Variants in CHIC1 observed in about 807,000 individuals in gnomAD.
The protein encoded by CHIC1 is cysteine-rich hydrophobic domain-containing protein 1.
In CHIC1, 7 loss-of-function variants were observed where a neutral mutation model predicts 18.5. The observed-to-expected ratio is 0.38, with a 90% confidence interval of 0.22 to 0.71. The LOEUF is 0.71. CHIC1 is among the 30% of genes least tolerant of loss of function. The probability of loss-of-function intolerance (pLI) is 0.49; values close to 1 mark genes in which losing one functional copy is unlikely to be tolerated. For missense variants in CHIC1, 159 were observed against 176.9 expected, an observed-to-expected ratio of 0.90 and a Z score of 0.57; for synonymous variants, 77 against 73.5, an observed-to-expected ratio of 1.05 and a Z score of -0.25.
At chrX:73,572,432 G>A (rs1237229802) in intron 1 of CHIC1, among the ~76,000 whole-genome samples, 2 of 110,750 alleles carry the variant, frequency 1.8e-5, no homozygotes, top group African/African-American at 6.5e-5. Context: ...ATATGGGCAC[G>A]TGTGTAATTT....
At chrX:73,676,883 A>G (rs759690056) in intron 3 of CHIC1, among the ~76,000 whole-genome samples, 1 of 110,844 alleles carries the variant, frequency 9.0e-6, no homozygotes, top group South Asian at 3.8e-4. Context: ...TTGGTCTTTG[A>G]TGATGGTCAC....
intron 3 of CHIC1, among the ~76,000 whole-genome samples, chrX:73,674,727 T>C (rs2147628719): frequency 8.9e-6 from 1 of 112,045 alleles, no homozygotes; most frequent in African/African-American, 3.2e-5. Flanking sequence ...TTTGTGTCTC[T>C]ATTTCCTTCA....
At chrX:73,653,295 T>C (rs1337410218) in intron 3 of CHIC1, among the ~76,000 whole-genome samples, 2 of 111,463 alleles carry the variant, frequency 1.8e-5, no homozygotes, top group African/African-American at 6.5e-5. Flanking sequence ...GGTACACGTA[T>C]ACCTATGTAA....
intron 1 of CHIC1, among the ~76,000 whole-genome samples, chrX:73,565,671 C>G (rs1351883108): frequency 4.5e-5 from 5 of 111,931 alleles, no homozygotes; most frequent in Non-Finnish European, 1.9e-5. Context: ...TTAACTGGAT[C>G]TGAGAAATGG....
chrX:73,599,475 T>G (rs1440552309), intron 3 of CHIC1, among the ~76,000 whole-genome samples: 1 of 99,002 alleles, frequency 1.0e-5, no homozygotes, highest in African/African-American at 4.3e-5. Context: ...GGTCTAACGT[T>G]TAAGTCTTTA....
chrX:73,602,731 A>G lies in CHIC1; in HGVS notation c.507+18159A>G, dbSNP rs773615828. The stretch of plus-strand genomic sequence containing the variant: ...GGGGTTCAGTTTCAGTTTTCTGCTT[A>G]TGGCTAGCCAGTTTTCCCAACACCA... On this transcript the variant is annotated intron_variant, in intron 3 of 5. Transcript: ENST00000373502. Among the ~76,000 whole-genome samples the G allele has an allele frequency of 9.9e-4, 108 of 108,817 alleles. 11 individuals are homozygous for G. Among genetic ancestry groups the G allele is most frequent in the African/African-American group, 3.8e-3 (107 of 28,073 alleles). 94.5% of individuals were successfully genotyped at this position (108,817 alleles called of 115,157 possible). A position where few individuals can be genotyped will look rare whatever the true frequency, so the allele number is the denominator to read the frequency against.
intron 3 of CHIC1, among the ~76,000 whole-genome samples, chrX:73,672,747 T>A (rs2058038675): frequency 8.9e-6 from 1 of 112,216 alleles, no homozygotes; most frequent in Non-Finnish European, 1.9e-5. Context: ...TTTCTTTTGC[T>A]GTGCAGAAGC....
At chrX:73,584,220 G>A (rs2057541627) in intron 2 of CHIC1, among the ~76,000 whole-genome samples, 197 bp from the exon 3 acceptor site, 1 of 110,206 alleles carries the variant, frequency 9.1e-6, no homozygotes, top group South Asian at 3.7e-4. Context: ...TCAACATCAG[G>A]CTAAGTTCTA....
intron 3 of CHIC1, among the ~76,000 whole-genome samples, chrX:73,599,758 A>T (rs1442870980): frequency 9.3e-6 from 1 of 107,707 alleles, no homozygotes; most frequent in Non-Finnish European, 1.9e-5. Context: ...GTTAGAAGTC[A>T]GGTAGTGTGA....
At chrX:73,572,867 A>G (rs2057477863) in intron 1 of CHIC1, among the ~76,000 whole-genome samples, 1 of 111,324 alleles carries the variant, frequency 9.0e-6, no homozygotes, top group Admixed American at 9.6e-5. Flanking sequence ...TTGTTGATAC[A>G]TAGATCGTGG....
intron 3 of CHIC1, among the ~76,000 whole-genome samples, chrX:73,641,624 G>A (rs1042200075): frequency 2.7e-5 from 3 of 110,039 alleles, no homozygotes; most frequent in Non-Finnish European, 5.7e-5. Flanking sequence ...CCATTAACTC[G>A]TCATTTAGCA....
intron 3 of CHIC1, among the ~76,000 whole-genome samples, chrX:73,642,965 G>T (rs1246090822): frequency 9.0e-6 from 1 of 111,461 alleles, no homozygotes; most frequent in Non-Finnish European, 1.9e-5. Context: ...GATGCCTCCA[G>T]CTTTGTTCTT....
intron 3 of CHIC1, among the ~76,000 whole-genome samples, chrX:73,647,565 C>G (rs2057895239): frequency 1.8e-5 from 2 of 112,365 alleles, no homozygotes; most frequent in African/African-American, 3.2e-5. Flanking sequence ...AGGGATGTCC[C>G]CCACAACCTA....
intron 3 of CHIC1, among the ~76,000 whole-genome samples, chrX:73,645,664 A>T (rs776638598): frequency 1.4e-4 from 16 of 111,812 alleles, no homozygotes; most frequent in Non-Finnish European, 2.8e-4. Context: ...ATGATTAGTG[A>T]TGTTGAGCAC....
intron 1 of CHIC1, among the ~76,000 whole-genome samples, chrX:73,566,886 T>C (rs2057447454): frequency 8.9e-6 from 1 of 111,870 alleles, no homozygotes; most frequent in African/African-American, 3.2e-5. Context: ...GCAAGGCAGG[T>C]CACAGAAAAT....
chrX:73,566,166 C>A (rs1445748707), intron 1 of CHIC1, among the ~76,000 whole-genome samples: 2 of 109,830 alleles, frequency 1.8e-5, no homozygotes, highest in Non-Finnish European at 3.8e-5. Context: ...TTAGATTTTT[C>A]ATTTTCTCAT....
chrX:73,601,772 G>A (rs1273154100), intron 3 of CHIC1, among the ~76,000 whole-genome samples: 6 of 107,196 alleles, frequency 5.6e-5, no homozygotes, highest in East Asian at 5.7e-4. Flanking sequence ...GAATCCAGGA[G>A]CTGGTTTTTT....
At chrX:73,635,908 A>G (rs2057829474) in intron 3 of CHIC1, among the ~76,000 whole-genome samples, 1 of 111,433 alleles carries the variant, frequency 9.0e-6, no homozygotes. Context: ...TTGGCTCATG[A>G]TGTTATTCAA....
intron 3 of CHIC1, among the ~76,000 whole-genome samples, chrX:73,635,936 T>C (rs1322406977): frequency 8.9e-6 from 1 of 111,949 alleles, no homozygotes; most frequent in African/African-American, 3.3e-5. Context: ...CTTTTCTTTC[T>C]CTCTTGTTGT....
Sources: allele counts gnomAD v4.1 joint callset (sites outside exome capture counted in the v4.1 genomes callset), GRCh38; gene constraint gnomAD v4.1.1; transcripts MANE v1.5; gene names NCBI Gene and HGNC (gene_info 2026-07-23, HGNC 2026-07-21).